Variants in AKAIN1 observed in about 807,000 individuals in gnomAD.
AKAIN1 encodes A-kinase anchor inhibitor 1.
A neutral mutation model predicts 3.7 loss-of-function variants in AKAIN1; 3 were observed. That is an observed-to-expected ratio of 0.82 (90% CI 0.37 to 2.12). AKAIN1 has a LOEUF of 2.12. Among genes scored for constraint, AKAIN1 ranks in the 30% most tolerant of loss-of-function variants. The pLI is 0.06. For missense variants in AKAIN1, 82 were observed against 82.7 expected (o/e 0.99, Z 0.03); for synonymous variants, 31 against 30.8 (o/e 1.01, Z -0.02).
At chr18:5,154,654 A>T (rs2071096924) in intron 1 of AKAIN1, among the ~76,000 whole-genome samples, 1 of 152,020 alleles carries the variant, frequency 6.6e-6, no homozygotes, top group Non-Finnish European at 1.5e-5. Context: ...ATGGGATGGG[A>T]GGTGGGACAC....
At chr18:5,183,422 A>T (rs2071270201) in intron 1 of AKAIN1, among the ~76,000 whole-genome samples, 1 of 152,046 alleles carries the variant, frequency 6.6e-6, no homozygotes, top group South Asian at 2.1e-4. Flanking sequence ...AAATTTCTGA[A>T]ACTACAGCAA....
intron 1 of AKAIN1, 125 bp downstream of exon 1, chr18:5,196,913 C>T: frequency 1.1e-6 from 1 of 891,828 alleles, no homozygotes; most frequent in Admixed American, 2.1e-5. Flanking sequence ...GCCCCATGAG[C>T]ACAGACAGTA....
intron 1 of AKAIN1, among the ~76,000 whole-genome samples, chr18:5,146,392 G>A (rs1280979889): frequency 6.6e-6 from 1 of 152,044 alleles, no homozygotes; most frequent in East Asian, 1.9e-4. Context: ...ACCAGCCCTG[G>A]GCCACGTACT....
chr18:5,191,580 T>A (rs1400509291), intron 1 of AKAIN1, among the ~76,000 whole-genome samples: 1 of 152,094 alleles, frequency 6.6e-6, no homozygotes, highest in Non-Finnish European at 1.5e-5. Flanking sequence ...GATCCATAGA[T>A]TTCAGGAAAT....
At chr18:5,192,389 C>CTTTG (rs1555611429) in intron 1 of AKAIN1, among the ~76,000 whole-genome samples, 1 of 81,996 alleles carries the variant, frequency 1.2e-5, no homozygotes, top group African/African-American at 4.9e-5. Context: ...AGCTAATTTT[C>CTTTG]TTTCTTTCTT....
At chr18:5,191,239 A>C (rs1024760965) in intron 1 of AKAIN1, among the ~76,000 whole-genome samples, 26 of 152,174 alleles carry the variant, frequency 1.7e-4, no homozygotes, top group African/African-American at 6.3e-4. Flanking sequence ...GTACCTGCCT[A>C]CATTTAAAAA....
At chr18:5,184,824 C>T (rs1450852135) in intron 1 of AKAIN1, among the ~76,000 whole-genome samples, 1 of 152,050 alleles carries the variant, frequency 6.6e-6, no homozygotes, top group Admixed American at 6.6e-5. Flanking sequence ...ACATTCTTCA[C>T]AGAATTAGAA....
chr18:5,186,001 A>G (rs2071285182), intron 1 of AKAIN1, among the ~76,000 whole-genome samples: 1 of 152,148 alleles, frequency 6.6e-6, no homozygotes, highest in Non-Finnish European at 1.5e-5. Flanking sequence ...CACAACCATA[A>G]AAAAGAATGT....
rs1377559008 is a variant in AKAIN1, at chr18:5,197,009, A to G, written c.16+29T>C. ...CCTCTACCCTGCTCCCCTCCTAGAC[A>G]CTTGGTGAAAAAGCAAGGTGCGGTG... On this transcript the variant is annotated intron_variant, in intron 1 of 1. Coordinates refer to ENST00000434239, the MANE Select transcript of AKAIN1 (RefSeq NM_001145194.2). This position sits in a 1 kb window ranked among gnomAD's most constrained non-coding sequence, Gnocchi z 6.9. The G allele has an allele frequency of 6.5e-7, 1 of 1,537,860 alleles. No homozygotes were observed. The highest frequency in any genetic ancestry group is 1.4e-5 in the African/African-American group (1 of 72,824).
intron 1 of AKAIN1, among the ~76,000 whole-genome samples, chr18:5,195,278 T>G (rs905698499): frequency 4.6e-5 from 7 of 152,138 alleles, no homozygotes; most frequent in Admixed American, 2.0e-4. Context: ...GAAAGTAAAA[T>G]GGAAAAGTAA....
chr18:5,145,505 C>T lies in AKAIN1; in HGVS notation c.*57G>A. ...TACTGGCAACATTTTGGAGATGCGT[C>T]CTATACTAAGAGGAAGGCTAGAAAC... is the stretch of plus-strand genomic sequence containing the variant. On this transcript the variant is annotated 3_prime_UTR_variant, in exon 2 of 2. Coordinates refer to ENST00000434239, the MANE Select transcript of AKAIN1 (RefSeq NM_001145194.2). 1.4e-6 allele frequency: 2 copies of T among 1,445,728 alleles called. No individual in the cohort carries two copies. The highest frequency in any genetic ancestry group is 2.4e-4 in the Middle Eastern group (1 of 4,232). The allele number at this position is 1,445,728 out of a possible 1,614,324, so 89.6% of individuals were successfully genotyped here. A position where few individuals can be genotyped will look rare whatever the true frequency, so the allele number is the denominator to read the frequency against.
At chr18:5,190,425 TAAAC>T (rs2071312312) in intron 1 of AKAIN1, among the ~76,000 whole-genome samples, 1 of 152,140 alleles carries the variant, frequency 6.6e-6, no homozygotes, top group African/African-American at 2.4e-5. Context: ...TCACTCAAGA[TAAAC>T]AAAATAAACC....
intron 1 of AKAIN1, among the ~76,000 whole-genome samples, chr18:5,182,532 C>T (rs1203980545): frequency 6.6e-6 from 1 of 152,022 alleles, no homozygotes; most frequent in Non-Finnish European, 1.5e-5. Flanking sequence ...GTTGTTTGAA[C>T]CCTGACCTAT....
chr18:5,195,408 C>T (rs1002352646), intron 1 of AKAIN1, among the ~76,000 whole-genome samples: 2 of 152,150 alleles, frequency 1.3e-5, no homozygotes, highest in Admixed American at 6.5e-5. Flanking sequence ...GTTAACATCA[C>T]GCAACAACCC....
At chr18:5,159,318 G>C (rs1217747728) in intron 1 of AKAIN1, 1 of 152,156 alleles carries the variant, frequency 6.6e-6, no homozygotes, top group Non-Finnish European at 1.5e-5. Flanking sequence ...GTCTCAGGGA[G>C]CCTCGGCTGC....
At position 5,197,243 on chromosome 18, in the gene AKAIN1, C is replaced by G; in HGVS notation, c.-190G>C. 7.2e-7 allele frequency: 1 copy of G among 1,385,016 alleles called. No homozygotes were observed. The allele number at this position is 1,385,016 out of a possible 1,614,324, so 85.8% of individuals were successfully genotyped here. A position where few individuals can be genotyped will look rare whatever the true frequency, so the allele number is the denominator to read the frequency against. On this transcript the variant is annotated 5_prime_UTR_variant, in exon 1 of 2. Transcript: ENST00000434239. This position sits in a 1 kb window ranked among gnomAD's most constrained non-coding sequence, Gnocchi z 6.9. ...CCGCAGCTCCAGCCGCCGCCGCGCGCTCTGCCTCCACAATGCGGCCACAGC... is the reference window on the plus strand; with the variant it reads ...CCGCAGCTCCAGCCGCCGCCGCGCGGTCTGCCTCCACAATGCGGCCACAGC...
chr18:5,194,768 A>G (rs1347766544), intron 1 of AKAIN1, among the ~76,000 whole-genome samples: 1 of 152,222 alleles, frequency 6.6e-6, no homozygotes, highest in Non-Finnish European at 1.5e-5. Flanking sequence ...CTTGGCTTAT[A>G]TAACACCCTT....
intron 1 of AKAIN1, among the ~76,000 whole-genome samples, chr18:5,190,759 G>A (rs2071314068): frequency 6.6e-6 from 1 of 152,090 alleles, no homozygotes; most frequent in African/African-American, 2.4e-5. Context: ...ACTTGCATAT[G>A]AATGCCTTCT....
intron 1 of AKAIN1, among the ~76,000 whole-genome samples, chr18:5,169,044 ATGCAGGGCG>A (rs144514456): frequency 0.019 from 2,959 of 152,158 alleles, 43 homozygotes; most frequent in Non-Finnish European, 0.03. Flanking sequence ...AGTCTAAAAT[ATGCAGGGCG>A]GGCTGGCAAT....
Sources: gnomAD v4.1 joint callset for allele counts (sites outside exome capture counted in the v4.1 genomes callset) on GRCh38, gnomAD v4.1.1 for gene constraint, Gnocchi (gnomAD v3.1) non-coding constraint, MANE v1.5 for transcripts, NCBI Gene and HGNC (gene_info 2026-07-23, HGNC 2026-07-21) for gene names.